The following FBXO46 variants were observed in gnomAD, a reference collection of about 807,000 sequenced individuals.
FBXO46 encodes the protein F-box only protein 46.
Under a neutral mutation model 30.7 loss-of-function variants are expected in FBXO46, and 13 were observed. The ratio of observed to expected loss-of-function variants is 0.42; its 90% CI spans 0.28 to 0.67. FBXO46 has a LOEUF of 0.67. Ranked by LOEUF, FBXO46 falls within the 30% of genes least tolerant of loss-of-function variation. The pLI is 0.21. For missense variants in FBXO46, 754 were observed against 871.5 expected, an observed-to-expected ratio of 0.87 and a Z score of 1.70; for synonymous variants, 467 against 385.8, an observed-to-expected ratio of 1.21 and a Z score of -2.47.
chr19:45,724,625 A>C (rs1237446502), intron 1 of FBXO46, among the ~76,000 whole-genome samples: 1 of 151,820 alleles, frequency 6.6e-6, no homozygotes, highest in Non-Finnish European at 1.5e-5. Context: ...TGGGCAATAT[A>C]GCAAGACCCT....
intron 1 of FBXO46, among the ~76,000 whole-genome samples, chr19:45,723,991 C>A (rs1186202945): frequency 6.6e-6 from 1 of 152,042 alleles, no homozygotes; most frequent in Non-Finnish European, 1.5e-5. Flanking sequence ...GTAAAAAATA[C>A]AATTTTTTTC....
At chr19:45,718,596 C>T (rs1170178270) in intron 1 of FBXO46, among the ~76,000 whole-genome samples, 2 of 152,218 alleles carry the variant, frequency 1.3e-5, no homozygotes, top group East Asian at 3.9e-4. Flanking sequence ...TTCCTTACTT[C>T]ATTCAGGTCT....
rs1967962631 is a variant in FBXO46 at position 45,711,480 on chromosome 19, C to T, written c.*204G>A. The T allele has an allele frequency of 2.9e-6, 2 of 700,156 alleles. No individual in the cohort carries two copies. The highest frequency in any genetic ancestry group is 2.6e-6 in the Non-Finnish European group (1 of 384,210). The allele number at this position is 700,156 out of a possible 1,614,324, so 43.4% of individuals were successfully genotyped here. On this transcript the variant is annotated 3_prime_UTR_variant, in exon 2 of 2. Transcript: ENST00000317683. Reference sequence around the variant, plus strand: ...AACACCCTTCTCAGAGGGTCCACGGCCCTGGTTCTGAAGAGTAGAAAATCA... The same window carrying T: ...AACACCCTTCTCAGAGGGTCCACGGTCCTGGTTCTGAAGAGTAGAAAATCA...
intron 1 of FBXO46, chr19:45,716,092 A>C (rs1968087583): frequency 6.6e-6 from 1 of 152,208 alleles, no homozygotes; most frequent in Non-Finnish European, 1.5e-5. Flanking sequence ...AAATGCTCCC[A>C]AATTCAGAAC....
At chr19:45,716,228 A>T (rs186053129) in intron 1 of FBXO46, 1 of 152,274 alleles carries the variant, frequency 6.6e-6, no homozygotes, top group Admixed American at 6.5e-5. Flanking sequence ...CCAAAATCCG[A>T]AACACTTTTT....
intron 1 of FBXO46, chr19:45,714,267 AC>A (rs1406773366): frequency 6.6e-6 from 1 of 152,032 alleles, no homozygotes; most frequent in African/African-American, 2.4e-5. Context: ...TCCCAGCCCC[AC>A]CCACAGCTAT....
intron 1 of FBXO46, among the ~76,000 whole-genome samples, chr19:45,725,429 C>T (rs1016806507): frequency 2.0e-5 from 3 of 151,530 alleles, no homozygotes; most frequent in African/African-American, 7.3e-5. Context: ...AATAAATGAA[C>T]AAATAAATAA....
chr19:45,712,272 G>A lies in FBXO46; in HGVS notation c.1224C>T (p.Leu408=). 1.9e-6 allele frequency: 3 copies of A among 1,604,398 alleles called. No homozygotes were observed. The highest frequency in any genetic ancestry group is 2.5e-6 in the Non-Finnish European group (3 of 1,179,490). The change falls in exon 2 of 2, where the codon CTC becomes CTT. Residue 408 remains leucine (L), a synonymous_variant. Coordinates refer to ENST00000317683, the MANE Select transcript of FBXO46 (RefSeq NM_001080469.2). This position sits in a 1 kb window ranked among gnomAD's most constrained non-coding sequence, Gnocchi z 8.8. The part of the protein sequence containing the change: ...SPEEPPPPGQ[L]FFLQNRGPDG... ...CCGGCCCGCGGTTCTGGAGAAAGAA[G>A]AGCTGGCCCGGAGGCGGCGGTTCCT...
At position 45,713,565 on chromosome 19, in the gene FBXO46, A is replaced by G; in HGVS notation, c.-70T>C. The G allele has an allele frequency of 7.7e-7, 1 of 1,294,108 alleles. No individual in the cohort carries two copies. The highest frequency in any genetic ancestry group is 1.1e-6 in the Non-Finnish European group (1 of 945,872). 80.2% of individuals were successfully genotyped at this position (1,294,108 alleles called of 1,614,324 possible). A position where few individuals can be genotyped will look rare whatever the true frequency, so the allele number is the denominator to read the frequency against. ...GACCTAGGTGGTGGTGGGAGGCTCC[A>G]CATGCCACCTGGAGACACGAAGAGG... is the stretch of plus-strand genomic sequence containing the variant. On this transcript the variant is annotated 5_prime_UTR_variant, in exon 2 of 2. Transcript: ENST00000317683. This position sits in a 1 kb window ranked among gnomAD's most constrained non-coding sequence, Gnocchi z 4.7.
At chr19:45,719,433 C>T (rs913590083) in intron 1 of FBXO46, among the ~76,000 whole-genome samples, 5 of 151,968 alleles carry the variant, frequency 3.3e-5, no homozygotes, top group African/African-American at 9.7e-5. Flanking sequence ...ACTATGGCTT[C>T]CAAATAGATA....
upstream of FBXO46, among the ~76,000 whole-genome samples, chr19:45,732,964 G>A (rs922094788): frequency 6.6e-6 from 1 of 151,908 alleles, no homozygotes; most frequent in Non-Finnish European, 1.5e-5. Context: ...AGGTTCTCAC[G>A]GTCTTCTCGA....
intron 1 of FBXO46, among the ~76,000 whole-genome samples, chr19:45,719,267 TAAATA>T (rs1247874985): frequency 6.6e-6 from 1 of 151,746 alleles, no homozygotes; most frequent in Non-Finnish European, 1.5e-5. Context: ...AAAAATAAAT[TAAATA>T]AATAAAAAAT....
chr19:45,711,527 T>C lies in FBXO46; in HGVS notation c.*157A>G. ...ATCAACAGGATCAAGCAGAGGGCTT[T>C]CCTGGGTCACCCCTGCTGAACCCCA... On this transcript the variant is annotated 3_prime_UTR_variant, in exon 2 of 2. Transcript: ENST00000317683. The C allele has an allele frequency of 1.4e-6, 1 of 718,088 alleles. No homozygotes were observed. Among genetic ancestry groups the C allele is most frequent in the Non-Finnish European group, 2.5e-6 (1 of 400,120 alleles). The allele number at this position is 718,088 out of a possible 1,614,324, so 44.5% of individuals were successfully genotyped here.
At chr19:45,725,567 C>T (rs1424261012) in intron 1 of FBXO46, among the ~76,000 whole-genome samples, 1 of 151,672 alleles carries the variant, frequency 6.6e-6, no homozygotes, top group African/African-American at 2.4e-5. Flanking sequence ...CCTGTCTCTA[C>T]AAAAATTTTT....
At chr19:45,723,083 G>A (rs1352480888) in intron 1 of FBXO46, among the ~76,000 whole-genome samples, 1 of 151,826 alleles carries the variant, frequency 6.6e-6, no homozygotes, top group Non-Finnish European at 1.5e-5. Flanking sequence ...CATAAAAATT[G>A]AAAGTGAAGG....
chr19:45,726,271 G>A (rs977941746), intron 1 of FBXO46, among the ~76,000 whole-genome samples: 58 of 152,086 alleles, frequency 3.8e-4, no homozygotes, highest in Admixed American at 2.5e-3. Context: ...ACTTGAGCCC[G>A]GGAAGTTGAG....
At position 45,713,379 on chromosome 19, in the gene FBXO46, C is replaced by T. The variant is rs760199564; in HGVS notation, c.117G>A (p.Glu39=). ...GGTCTGGCTCGGCCCCGCCACCAGG[C>T]TCAGGGCAGGCTGATGGCTTGAGGG... The part of the protein sequence containing the change: ...SAALKPSACP[E]PGGGAEPDHG... Residue 39 remains glutamate (E), a synonymous_variant, in exon 2 of 2, where the codon GAG becomes GAA. Transcript: ENST00000317683. This position sits in a 1 kb window ranked among gnomAD's most constrained non-coding sequence, Gnocchi z 4.7. The T allele has an allele frequency of 1.2e-6, 2 of 1,612,264 alleles. No homozygotes were observed. Among genetic ancestry groups the T allele is most frequent in the South Asian group, 1.1e-5 (1 of 90,994 alleles).
In FBXO46 at chr19:45,712,652, C is replaced by T. The variant is rs1410666937; in HGVS notation, c.844G>A (p.Gly282Ser). 9.3e-6 allele frequency: 15 copies of T among 1,610,144 alleles called. No individual in the cohort carries two copies. The highest frequency in any genetic ancestry group is 1.1e-5 in the Non-Finnish European group (13 of 1,178,214). ...TAGGCACAACCAGGCCTGCCCCCGCCCCCACTGGGCAGGCCGCTGTCTGGT... is the reference window on the plus strand; with the variant it reads ...TAGGCACAACCAGGCCTGCCCCCGCTCCCACTGGGCAGGCCGCTGTCTGGT... Reference protein sequence around the residue: ...RAPDSGLPSGGGGRPGCAYPG... With the variant: ...RAPDSGLPSGSGGRPGCAYPG... Residue 282 changes from glycine (G) to serine (S), a missense_variant, in exon 2 of 2, where the codon GGC becomes AGC. By Grantham distance (56) the Gly-to-Ser change is moderately conservative (BLOSUM62 0). Transcript: ENST00000317683. This position sits in a 1 kb window ranked among gnomAD's most constrained non-coding sequence, Gnocchi z 8.8.
At chr19:45,721,204 A>G (rs1968165781) in intron 1 of FBXO46, among the ~76,000 whole-genome samples, 1 of 151,698 alleles carries the variant, frequency 6.6e-6, no homozygotes, top group Admixed American at 6.6e-5. Flanking sequence ...AAATACAAAA[A>G]TTAGCCAGCA....
Sources: gnomAD v4.1 joint callset for allele counts (sites outside exome capture counted in the v4.1 genomes callset) on GRCh38, gnomAD v4.1.1 for gene constraint, Gnocchi (gnomAD v3.1) non-coding constraint, MANE v1.5 for transcripts, NCBI Gene and HGNC (gene_info 2026-07-23, HGNC 2026-07-21) for gene names.